Variants in CNTNAP2 observed in about 807,000 individuals in gnomAD.
The protein encoded by CNTNAP2 is contactin-associated protein-like 2.
Under a neutral mutation model 155.2 loss-of-function variants are expected in CNTNAP2, and 98 were observed. The ratio of observed to expected loss-of-function variants is 0.63; its 90% CI spans 0.54 to 0.75. The LOEUF (loss-of-function observed/expected upper bound fraction) is 0.75. CNTNAP2 is among the 30% of genes least tolerant of loss of function. CNTNAP2 has a pLI of 0.00. For missense variants in CNTNAP2, 1,727 were observed against 1,688.1 expected (o/e 1.02, Z -0.40); for synonymous variants, 651 against 631.2 (o/e 1.03, Z -0.47).
chr7:147,301,775 G>C (rs1452363980), intron 9 of CNTNAP2, among the ~76,000 whole-genome samples: 2 of 152,016 alleles, frequency 1.3e-5, no homozygotes, highest in Non-Finnish European at 2.9e-5. Flanking sequence ...GAAAGACTTA[G>C]TAAATTCTAC....
intron 13 of CNTNAP2, among the ~76,000 whole-genome samples, chr7:147,658,004 C>T (rs1331802121): frequency 1.7e-5 from 2 of 118,316 alleles, no homozygotes; most frequent in Non-Finnish European, 3.9e-5. Context: ...CGCCTGTAAT[C>T]CCAGCACTTT....
chr7:146,951,822 C>A (rs1001343551), intron 3 of CNTNAP2, among the ~76,000 whole-genome samples: 1 of 151,970 alleles, frequency 6.6e-6, no homozygotes, highest in Admixed American at 6.6e-5. Context: ...TTTTCTAATT[C>A]TGTGAAGAAA....
intron 13 of CNTNAP2, among the ~76,000 whole-genome samples, chr7:147,733,559 G>A (rs1235070113): frequency 3.3e-5 from 5 of 152,200 alleles, no homozygotes; most frequent in Admixed American, 3.3e-4. Context: ...TGTGAAGAAA[G>A]TCATTGGTTG....
At chr7:148,334,630 T>C (rs538440401) in intron 21 of CNTNAP2, among the ~76,000 whole-genome samples, 1 of 152,276 alleles carries the variant, frequency 6.6e-6, no homozygotes, top group Admixed American at 6.5e-5. Context: ...CACTAGCTGC[T>C]TTAGTTGTGA....
intron 8 of CNTNAP2, among the ~76,000 whole-genome samples, chr7:147,201,295 T>C (rs1177883508): frequency 6.6e-6 from 1 of 152,222 alleles, no homozygotes. Flanking sequence ...TCTTCGATAT[T>C]TATTATACAC....
At chr7:147,544,158 CT>C (rs1338587517) in intron 11 of CNTNAP2, among the ~76,000 whole-genome samples, 1 of 152,130 alleles carries the variant, frequency 6.6e-6, no homozygotes, top group Non-Finnish European at 1.5e-5. Context: ...AAATCTGAAA[CT>C]TTTGTGTGTA....
intron 17 of CNTNAP2, among the ~76,000 whole-genome samples, chr7:148,165,166 G>T (rs534009215): frequency 3.9e-5 from 6 of 152,178 alleles, no homozygotes; most frequent in Admixed American, 2.0e-4. Context: ...CCGTAGGGTT[G>T]CTTTCTTCTG....
chr7:147,648,723 C>T (rs1188700309), intron 13 of CNTNAP2, among the ~76,000 whole-genome samples: 2 of 152,144 alleles, frequency 1.3e-5, no homozygotes, highest in Non-Finnish European at 2.9e-5. Flanking sequence ...CAATTACCTC[C>T]CACCAGGTCC....
chr7:146,992,693 T>C (rs1798231751), intron 3 of CNTNAP2, among the ~76,000 whole-genome samples: 1 of 151,838 alleles, frequency 6.6e-6, no homozygotes, highest in African/African-American at 2.4e-5. Flanking sequence ...GAAGAAAAAG[T>C]AGTCATACTA....
intron 11 of CNTNAP2, among the ~76,000 whole-genome samples, chr7:147,530,580 A>G (rs1799414322): frequency 6.6e-6 from 1 of 152,120 alleles, no homozygotes; most frequent in South Asian, 2.1e-4. Flanking sequence ...ATTGACTACC[A>G]CAAAAATAGC....
intron 8 of CNTNAP2, among the ~76,000 whole-genome samples, chr7:147,288,541 AT>A (rs1805232494): frequency 1.3e-5 from 2 of 152,252 alleles, no homozygotes; most frequent in South Asian, 4.1e-4. Context: ...CACCCCAGTC[AT>A]AAGAAATCAG....
At chr7:146,415,939 G>T (rs1474352504) in intron 1 of CNTNAP2, among the ~76,000 whole-genome samples, 2 of 151,692 alleles carry the variant, frequency 1.3e-5, no homozygotes. Context: ...TAATTCCAAG[G>T]CTCTCTTTAT....
intron 3 of CNTNAP2, among the ~76,000 whole-genome samples, chr7:146,878,042 C>A (rs1225910298): frequency 2.0e-5 from 3 of 152,046 alleles, no homozygotes; most frequent in Non-Finnish European, 2.9e-5. Context: ...TTTAAAATGT[C>A]TCCTGGAAAC....
intron 11 of CNTNAP2, among the ~76,000 whole-genome samples, chr7:147,550,137 T>A (rs1323109192): frequency 6.6e-6 from 1 of 152,218 alleles, no homozygotes. Flanking sequence ...TCACTCAATT[T>A]GATCATGATT....
chr7:146,339,807 C>T (rs17170042), intron 1 of CNTNAP2, among the ~76,000 whole-genome samples: 18,873 of 151,968 alleles, frequency 0.12, 2,221 homozygotes, highest in African/African-American at 0.31. Flanking sequence ...TGCAATGGTC[C>T]ATTTGTCAGT....
intron 1 of CNTNAP2, among the ~76,000 whole-genome samples, chr7:146,727,080 T>C (rs991020145): frequency 5.3e-5 from 8 of 152,176 alleles, no homozygotes; most frequent in African/African-American, 7.2e-5. Context: ...TTTGTAATTC[T>C]AGTTGAAATG....
chr7:148,357,718 A>G (rs1444421849), intron 21 of CNTNAP2, among the ~76,000 whole-genome samples: 10 of 152,254 alleles, frequency 6.6e-5, no homozygotes, highest in Admixed American at 4.6e-4. Flanking sequence ...AGTGCCAAGC[A>G]CAGGGCCTTT....
At chr7:148,264,658 C>A (rs779637825) in intron 20 of CNTNAP2, among the ~76,000 whole-genome samples, 1 of 152,008 alleles carries the variant, frequency 6.6e-6, no homozygotes, top group Non-Finnish European at 1.5e-5. Context: ...TTTTAAAATT[C>A]TTTAAGAAAA....
chr7:147,528,795 A>T lies in CNTNAP2; in HGVS notation c.1778-33343A>T, dbSNP rs376636478. Among the ~76,000 whole-genome samples, 55 of 152,324 alleles carry T rather than the reference A, an allele frequency of 3.6e-4. 1 individual carries two copies. In the East Asian group the frequency reaches 8.1e-3, roughly 22 times the overall value. ...TTGATTCTATATGTAAATCTGTTAT[A>T]ATACCAATCCGAACAAGCTAGTATT... On this transcript the variant is annotated intron_variant, in intron 11 of 23. Coordinates refer to ENST00000361727, the MANE Select transcript of CNTNAP2 (RefSeq NM_014141.6).
Sources: gnomAD v4.1 joint callset for allele counts (sites outside exome capture counted in the v4.1 genomes callset) on GRCh38, gnomAD v4.1.1 for gene constraint, MANE v1.5 for transcripts, NCBI Gene and HGNC (gene_info 2026-07-23, HGNC 2026-07-21) for gene names.